Variants in ARFGAP3 observed in about 807,000 individuals in gnomAD.
ARFGAP3 encodes the protein ARF GTPase activating protein 3, also known as ADP-ribosylation factor GTPase-activating protein 3.
In ARFGAP3, 72 loss-of-function variants were observed where a neutral mutation model predicts 75.0. The observed-to-expected ratio is 0.96, with a 90% CI of 0.79 to 1.17. The LOEUF (loss-of-function observed/expected upper bound fraction) is 1.17, where lower values mean the gene tolerates loss of function less well. ARFGAP3 is among the 50% of genes most tolerant of loss of function. The pLI, the probability that ARFGAP3 is intolerant of heterozygous loss-of-function variation, is 0.00. For missense variants in ARFGAP3, 620 were observed against 626.6 expected, an observed-to-expected ratio of 0.99 and a Z score of 0.11; for synonymous variants, 221 against 217.9, an observed-to-expected ratio of 1.01 and a Z score of -0.13.
chr22:42,851,385 T>G (rs995019038), intron 1 of ARFGAP3, among the ~76,000 whole-genome samples: 1 of 152,188 alleles, frequency 6.6e-6, no homozygotes, highest in African/African-American at 2.4e-5. Flanking sequence ...AGGTTCCTAA[T>G]GAGGCAGGCA....
rs368441648 is a variant in ARFGAP3 at position 42,853,395 on chromosome 22, C to T, written c.69+3719G>A. 5 of 218,508 alleles carry T rather than the reference C, an allele frequency of 2.3e-5. No homozygotes were observed. In the East Asian group the frequency reaches 5.5e-4, roughly 24 times the overall value. The allele number at this position is 218,508 out of a possible 1,614,324, so 13.5% of individuals were successfully genotyped here. Reference sequence around the variant, plus strand: ...AGCTGGGTCTTTTGGATCGTTTCTACTCCTTTTTCACTTCTTCACCATTCT... The same window carrying T: ...AGCTGGGTCTTTTGGATCGTTTCTATTCCTTTTTCACTTCTTCACCATTCT... On this transcript the variant is annotated intron_variant, in intron 1 of 15. Coordinates refer to ENST00000263245, the MANE Select transcript of ARFGAP3 (RefSeq NM_014570.5).
At chr22:42,843,969 A>T (rs1417088728) in intron 2 of ARFGAP3, among the ~76,000 whole-genome samples, 1 of 152,108 alleles carries the variant, frequency 6.6e-6, no homozygotes, top group Non-Finnish European at 1.5e-5. Context: ...ATAACTTATA[A>T]ATTATTTTTC....
At chr22:42,822,179 C>G (rs1046468057) in intron 9 of ARFGAP3, 91 bp downstream of exon 9, 29 of 1,056,664 alleles carry the variant, frequency 2.7e-5, no homozygotes, top group Non-Finnish European at 4.1e-5. Context: ...CTTCCCCCCC[C>G]ACACAAAAAT....
At position 42,833,512 on chromosome 22, in the gene ARFGAP3, T is replaced by C. The variant is rs567470187; in HGVS notation, c.477+730A>G. 6.5e-4 allele frequency among the ~76,000 whole-genome samples: 99 copies of C among 152,230 alleles called. 1 individual carries two copies. Among genetic ancestry groups the C allele is most frequent in the Admixed American group, 2.5e-3 (38 of 15,286 alleles). ...GGCTCACACCTATAATCCCAGAACT[T>C]TGGGTGGCCAAGGCGGGGGTATCAC... On this transcript the variant is annotated intron_variant, in intron 5 of 15. Transcript: ENST00000263245.
At chr22:42,808,639 C>T in intron 13 of ARFGAP3, 128 bp downstream of exon 13, 3 of 689,720 alleles carry the variant, frequency 4.3e-6, no homozygotes, top group Non-Finnish European at 4.9e-6. Flanking sequence ...CTGACTCCAG[C>T]ACTTTCAGGC....
At chr22:42,803,393 C>G (rs1033618719) in intron 14 of ARFGAP3, among the ~76,000 whole-genome samples, 29 of 152,198 alleles carry the variant, frequency 1.9e-4, no homozygotes, top group African/African-American at 6.8e-4. Flanking sequence ...TCACAAACAA[C>G]CTACCACTTG....
intron 14 of ARFGAP3, among the ~76,000 whole-genome samples, chr22:42,803,900 CTTTTTTTTT>C (rs11289963): frequency 2.5e-5 from 3 of 119,668 alleles, no homozygotes; most frequent in African/African-American, 1.1e-4. Flanking sequence ...CCTCCTTCCT[CTTTTTTTTT>C]TTTTTTTTTT....
chr22:42,812,932 G>A (rs2146536679), intron 11 of ARFGAP3, among the ~76,000 whole-genome samples: 1 of 152,368 alleles, frequency 6.6e-6, no homozygotes, highest in African/African-American at 2.4e-5. Context: ...GCTCTGCCTG[G>A]AGGAAGAGAG....
intron 14 of ARFGAP3, among the ~76,000 whole-genome samples, chr22:42,800,310 A>G (rs1924798714): frequency 6.6e-6 from 1 of 152,188 alleles, no homozygotes. Flanking sequence ...TGGGAGGATC[A>G]CTTGAGGTCA....
At chr22:42,846,723 C>G (rs1001702150) in intron 2 of ARFGAP3, among the ~76,000 whole-genome samples, 8 of 152,330 alleles carry the variant, frequency 5.3e-5, no homozygotes, top group African/African-American at 1.9e-4. Flanking sequence ...AGTGTCTCAT[C>G]ATTGACATAA....
At chr22:42,816,239 C>T (rs370869528) in intron 11 of ARFGAP3, among the ~76,000 whole-genome samples, 42 of 152,350 alleles carry the variant, frequency 2.8e-4, no homozygotes, top group African/African-American at 9.1e-4. Context: ...CTATAGCATT[C>T]GCAGTATCTC....
At chr22:42,799,277 C>T in intron 14 of ARFGAP3, 117 bp from the exon 15 acceptor site, 1 of 1,520,954 alleles carries the variant, frequency 6.6e-7, no homozygotes, top group Admixed American at 1.9e-5. Flanking sequence ...CCTGCTGCCT[C>T]ACAAGGGGCC....
chr22:42,835,985 T>C (rs1012464267), intron 3 of ARFGAP3, among the ~76,000 whole-genome samples: 86 of 144,368 alleles, frequency 6.0e-4, no homozygotes, highest in African/African-American at 2.0e-3. Context: ...TCTTTCTTTT[T>C]TTTTTTTTTT....
chr22:42,799,212 G>T, intron 14 of ARFGAP3, 52 bp from the exon 15 acceptor site: 1 of 1,602,588 alleles, frequency 6.2e-7, no homozygotes. Flanking sequence ...CACAGCTGCG[G>T]CAAACCCAGT....
chr22:42,830,699 C>A (rs1926247001), intron 6 of ARFGAP3, among the ~76,000 whole-genome samples: 3 of 152,260 alleles, frequency 2.0e-5, no homozygotes, highest in African/African-American at 4.8e-5. Flanking sequence ...TAAATGTAAT[C>A]CTGTAAGAAA....
rs200175418 is a variant in ARFGAP3, at chr22:42,808,794, C to T, written c.1293G>A (p.Met431Ile). Reference sequence around the variant, plus strand: ...CAGCCTGGGATTGTCTTCCAAAATACATATCTGATGAAATGGCCTTGACAT... The same window carrying T: ...CAGCCTGGGATTGTCTTCCAAAATATATATCTGATGAAATGGCCTTGACAT... ...FGNVKAISSD[M>I]YFGRQSQADY... Residue 431 changes from methionine (M) to isoleucine (I), a missense_variant, in exon 13 of 16, where the codon ATG becomes ATA. Physicochemically the swap from Met to Ile is conservative, Grantham distance 10. Coordinates refer to ENST00000263245, the MANE Select transcript of ARFGAP3 (RefSeq NM_014570.5). 1.9e-6 allele frequency: 3 copies of T among 1,613,160 alleles called. No individual in the cohort carries two copies. Among genetic ancestry groups the T allele is most frequent in the African/African-American group, 1.3e-5 (1 of 75,052 alleles).
chr22:42,851,825 G>A (rs977902174), intron 1 of ARFGAP3, among the ~76,000 whole-genome samples: 6 of 152,214 alleles, frequency 3.9e-5, no homozygotes, highest in African/African-American at 1.4e-4. Context: ...AGAATAATTA[G>A]TATACAAATA....
intron 5 of ARFGAP3, among the ~76,000 whole-genome samples, chr22:42,833,457 A>C (rs758406426): frequency 2.0e-5 from 3 of 152,120 alleles, no homozygotes; most frequent in Non-Finnish European, 4.4e-5. Context: ...TTTTCTGTAA[A>C]AGAATAGGGC....
In ARFGAP3 at chr22:42,835,539, T is replaced by C. The variant is rs374699897; in HGVS notation, c.262-46A>G. ...ATTAATATTTTCGTAAAACTACGTA[T>C]GGCCAGGCGCAGTGGCTCATGCCTG... On this transcript the variant is annotated intron_variant, in intron 3 of 15. Coordinates refer to ENST00000263245, the MANE Select transcript of ARFGAP3 (RefSeq NM_014570.5). The C allele has an allele frequency of 5.7e-5, 91 of 1,603,764 alleles. 1 individual carries two copies. Among genetic ancestry groups the C allele is most frequent in the Non-Finnish European group, 7.0e-5 (82 of 1,175,170 alleles).
Sources: gnomAD v4.1 joint callset for allele counts (sites outside exome capture counted in the v4.1 genomes callset) on GRCh38, gnomAD v4.1.1 for gene constraint, MANE v1.5 for transcripts, NCBI Gene and HGNC (gene_info 2026-07-23, HGNC 2026-07-21) for gene names.